The following HCCS variants were observed in gnomAD, a reference collection of about 807,000 sequenced individuals.
The protein encoded by HCCS is holocytochrome c synthase.
Under a neutral mutation model 24.2 loss-of-function variants are expected in HCCS, and 2 were observed. The ratio of observed to expected loss-of-function variants is 0.08; its 90% CI spans 0.03 to 0.26. HCCS has a LOEUF of 0.26. Among genes scored for constraint, HCCS ranks in the 10% least tolerant of loss-of-function variants. The probability of loss-of-function intolerance (pLI) is 1.00; values close to 1 mark genes in which losing one functional copy is unlikely to be tolerated. For missense variants in HCCS, 150 were observed against 213.3 expected, an observed-to-expected ratio of 0.70 and a Z score of 1.85; for synonymous variants, 73 against 76.2, an observed-to-expected ratio of 0.96 and a Z score of 0.22.
Position 11,118,552 on chromosome X carries a change from T to A in HCCS, c.453T>A (p.Ile151=). ...GTCAGAAGGATATGTATAATATCAT[T>A]AGAATTCACAATCAGAATAACGAGC... is the stretch of plus-strand genomic sequence containing the variant. The part of the protein sequence containing the change: ...DISQKDMYNI[I]RIHNQNNEQA... Residue 151 remains isoleucine (I), a synonymous_variant, in exon 5 of 7, where the codon ATT becomes ATA. Transcript: ENST00000380762. 8.4e-7 allele frequency: 1 copy of A among 1,188,355 alleles called. No homozygotes were observed. Among genetic ancestry groups the A allele is most frequent in the Non-Finnish European group, 1.1e-6 (1 of 874,167 alleles).
intron 5 of HCCS, chrX:11,119,996 T>C (rs779415773): frequency 6.1e-5 from 20 of 325,742 alleles, no homozygotes; most frequent in East Asian, 9.9e-5. Flanking sequence ...TGAGTTTACC[T>C]TTTTGCCTGT....
At chrX:11,119,731 C>T (rs1404137464) in intron 5 of HCCS, among the ~76,000 whole-genome samples, 3 of 112,462 alleles carry the variant, frequency 2.7e-5, no homozygotes, top group African/African-American at 9.7e-5. Context: ...AGGGGAACAA[C>T]TGCAACCGTG....
At chrX:11,115,841 T>G (rs1317544026) in intron 3 of HCCS, among the ~76,000 whole-genome samples, 1 of 112,003 alleles carries the variant, frequency 8.9e-6, no homozygotes. Flanking sequence ...CTGTGGGCCG[T>G]AGGGTCTCTG....
intron 5 of HCCS, among the ~76,000 whole-genome samples, chrX:11,120,313 C>T (rs2045482205): frequency 9.0e-6 from 1 of 111,508 alleles, no homozygotes; most frequent in Non-Finnish European, 1.9e-5. Flanking sequence ...CTGGTGCCTA[C>T]AGAGGGCTGG....
chrX:11,122,400 A>G lies in HCCS; in HGVS notation c.*590A>G, dbSNP rs1339441116. ...AAATTCTCTCCAAATTCTGATTTAT[A>G]TGAATTTCTTGGACTGGATAGAGTA... is the stretch of plus-strand genomic sequence containing the variant. On this transcript the variant is annotated 3_prime_UTR_variant, in exon 7 of 7. Transcript: ENST00000380762. 2 of 113,163 alleles carry G rather than the reference A, an allele frequency of 1.8e-5. No homozygotes were observed. Among genetic ancestry groups the G allele is most frequent in the Non-Finnish European group, 3.7e-5 (2 of 53,851 alleles). 9.3% of individuals were successfully genotyped at this position (113,163 alleles called of 1,213,427 possible). A position where few individuals can be genotyped will look rare whatever the true frequency, so the allele number is the denominator to read the frequency against.
chrX:11,112,198 T>C, intron 2 of HCCS, 38 bp downstream of exon 2: 1 of 1,057,588 alleles, frequency 9.5e-7, no homozygotes, highest in East Asian at 3.0e-5. Context: ...AAACAAAAGA[T>C]AATTCACGGC....
chrX:11,120,893 T>G lies in HCCS; in HGVS notation c.522-14T>G. On this transcript the variant is annotated splice_polypyrimidine_tract_variant and intron_variant, in intron 5 of 6. Coordinates refer to ENST00000380762, the MANE Select transcript of HCCS (RefSeq NM_005333.5). ...AAATATTTTAACAGACTTTTCTTATTTGGGGAATTCTAGAGAGTGTCCTTG... is the reference window on the plus strand; with the variant it reads ...AAATATTTTAACAGACTTTTCTTATGTGGGGAATTCTAGAGAGTGTCCTTG... 2 of 1,172,749 alleles carry G rather than the reference T, an allele frequency of 1.7e-6. No individual in the cohort carries two copies. Among genetic ancestry groups the G allele is most frequent in the African/African-American group, 3.5e-5 (2 of 57,214 alleles).
chrX:11,114,114 T>G (rs1016038048), intron 2 of HCCS, among the ~76,000 whole-genome samples: 25 of 112,796 alleles, frequency 2.2e-4, no homozygotes, highest in African/African-American at 8.1e-4. Context: ...GCTCATCTCA[T>G]TAGGCTCAGA....
chrX:11,115,866 TCTGCTG>T (rs983835915), intron 3 of HCCS, among the ~76,000 whole-genome samples: 4 of 111,881 alleles, frequency 3.6e-5, no homozygotes, highest in Non-Finnish European at 7.5e-5. Flanking sequence ...ACTACCCAGT[TCTGCTG>T]CTGCTGCTTT....
intron 2 of HCCS, among the ~76,000 whole-genome samples, 163 bp downstream of exon 2, chrX:11,112,323 A>G (rs1242021059): frequency 8.9e-6 from 1 of 111,979 alleles, no homozygotes; most frequent in Non-Finnish European, 1.9e-5. Context: ...TCCCTCTACA[A>G]AAAAATACAA....
chrX:11,116,159 A>T (rs193175478), intron 3 of HCCS: 1 of 112,897 alleles, frequency 8.9e-6, no homozygotes, highest in Admixed American at 9.3e-5. Context: ...GGTTGTGATC[A>T]ATTAGTCGTA....
Position 11,118,458 on chromosome X carries a change from T to C in HCCS, c.402-43T>C, listed in dbSNP as rs200982947. On this transcript the variant is annotated intron_variant, in intron 4 of 6. Transcript: ENST00000380762. ...AATATGTGGATTAACTTTATGGCAT[T>C]ATCAGGAACAGTTGTCAAATTTTAC... 4 of 1,144,440 alleles carry C rather than the reference T, an allele frequency of 3.5e-6. 1 individual carries two copies. Among genetic ancestry groups the C allele is most frequent in the Non-Finnish European group, 4.8e-6 (4 of 835,934 alleles). 94.3% of individuals were successfully genotyped at this position (1,144,440 alleles called of 1,213,427 possible).
chrX:11,120,833 A>G, intron 5 of HCCS, 74 bp from the exon 6 acceptor site: 1 of 877,331 alleles, frequency 1.1e-6, no homozygotes, highest in Non-Finnish European at 1.7e-6. Context: ...GGATATTACT[A>G]AAAAATTAGA....
chrX:11,118,549 C>A lies in HCCS; in HGVS notation c.450C>A (p.Ile150=). ...EDISQKDMYN[I]IRIHNQNNEQ... ...TCAGTCAGAAGGATATGTATAATAT[C>A]ATTAGAATTCACAATCAGAATAACG... is the stretch of plus-strand genomic sequence containing the variant. Residue 150 remains isoleucine (I), a synonymous_variant, in exon 5 of 7, where the codon ATC becomes ATA. Coordinates refer to ENST00000380762, the MANE Select transcript of HCCS (RefSeq NM_005333.5). The A allele has an allele frequency of 8.5e-7, 1 of 1,182,526 alleles. No homozygotes were observed. Among genetic ancestry groups the A allele is most frequent in the Non-Finnish European group, 1.2e-6 (1 of 869,107 alleles).
chrX:11,120,131 A>T (rs2045480145), intron 5 of HCCS: 1 of 255,175 alleles, frequency 3.9e-6, no homozygotes, highest in Non-Finnish European at 7.3e-6. Flanking sequence ...ACTTACTTAG[A>T]CACCTATCTT....
chrX:11,116,149 G>T (rs1416597556), intron 3 of HCCS: 1 of 112,708 alleles, frequency 8.9e-6, no homozygotes, highest in Non-Finnish European at 1.9e-5. Context: ...ATCTGTAACT[G>T]GTTGTGATCA....
intron 3 of HCCS, among the ~76,000 whole-genome samples, chrX:11,115,910 A>G (rs1374236839): frequency 8.9e-6 from 1 of 111,902 alleles, no homozygotes. Context: ...AGCGACAGGC[A>G]GCATTATCCG....
chrX:11,116,956 G>A (rs1202082024), intron 3 of HCCS, among the ~76,000 whole-genome samples: 1 of 112,701 alleles, frequency 8.9e-6, no homozygotes, highest in Non-Finnish European at 1.9e-5. Flanking sequence ...AGAAATGCCT[G>A]AAGATCGTGG....
intron 2 of HCCS, among the ~76,000 whole-genome samples, chrX:11,114,606 G>A (rs1005482405): frequency 6.2e-5 from 7 of 112,616 alleles, no homozygotes; most frequent in African/African-American, 2.3e-4. Context: ...CACAATTAGA[G>A]AATGTATACT....
Sources: gnomAD v4.1 joint callset for allele counts (sites outside exome capture counted in the v4.1 genomes callset) on GRCh38, gnomAD v4.1.1 for gene constraint, MANE v1.5 for transcripts, NCBI Gene and HGNC (gene_info 2026-07-23, HGNC 2026-07-21) for gene names.